Variants in MIPEP observed in about 807,000 individuals in gnomAD.
The protein encoded by MIPEP is mitochondrial intermediate peptidase.
MIPEP carries 79 observed loss-of-function variants against 90.3 expected under a neutral mutation model. The observed-to-expected ratio is 0.87, with a 90% CI of 0.73 to 1.05. The LOEUF is 1.05. Ranked by LOEUF, MIPEP falls within the 50% of genes least tolerant of loss-of-function variation. The pLI, the probability that MIPEP is intolerant of heterozygous loss-of-function variation, is 0.00. For missense variants in MIPEP, 940 were observed against 905.6 expected, an observed-to-expected ratio of 1.04 and a Z score of -0.49; for synonymous variants, 334 against 315.8, an observed-to-expected ratio of 1.06 and a Z score of -0.61.
chr13:23,835,892 T>C (rs1869017147), intron 14 of MIPEP, among the ~76,000 whole-genome samples: 1 of 152,232 alleles, frequency 6.6e-6, no homozygotes, highest in Non-Finnish European at 1.5e-5. Context: ...AAAGGCTTTT[T>C]AGAAGTGAGA....
intron 16 of MIPEP, among the ~76,000 whole-genome samples, chr13:23,784,544 A>T (rs9580754): frequency 0.079 from 11,944 of 152,130 alleles, 1,573 homozygotes; most frequent in African/African-American, 0.27. Flanking sequence ...CCAAGAAGAA[A>T]ACCTAGGCAA....
rs778437046 is a variant in MIPEP at position 23,760,160 on chromosome 13, G to T, written c.1906C>A (p.Leu636Ile). The T allele has an allele frequency of 6.2e-7, 1 of 1,614,140 alleles. No individual in the cohort carries two copies. The change falls in exon 17 of 19, where the codon CTC (leucine) becomes ATC (isoleucine). Residue 636 changes from leucine to isoleucine, a missense_variant. Coordinates refer to ENST00000382172, the MANE Select transcript of MIPEP (RefSeq NM_005932.4). ...VGYGARYYSY[L>I]MSRAVASMVW... Reference sequence around the variant, plus strand: ...ATGGAGGCGACCGCTCTGGACATGAGGTAAGAGTAATATCTAGCACCATAC... The same window carrying T: ...ATGGAGGCGACCGCTCTGGACATGATGTAAGAGTAATATCTAGCACCATAC...
intron 18 of MIPEP, among the ~76,000 whole-genome samples, chr13:23,755,389 G>A (rs1251242061): frequency 6.6e-6 from 1 of 152,230 alleles, no homozygotes; most frequent in Non-Finnish European, 1.5e-5. Context: ...CTGAAGGCAA[G>A]AATCTGGAAT....
At chr13:23,766,631 A>G (rs1188287258) in intron 16 of MIPEP, among the ~76,000 whole-genome samples, 1 of 152,132 alleles carries the variant, frequency 6.6e-6, no homozygotes, top group African/African-American at 2.4e-5. Flanking sequence ...ATCACTGGAG[A>G]CTAGTGCTTC....
intron 3 of MIPEP, among the ~76,000 whole-genome samples, chr13:23,880,728 G>A (rs982221517): frequency 7.9e-5 from 12 of 152,186 alleles, no homozygotes; most frequent in African/African-American, 1.7e-4. Context: ...GGTTTTCAGC[G>A]GCTATGGGAA....
chr13:23,888,860 A>G (rs9553088), intron 1 of MIPEP: 149,020 of 629,072 alleles, frequency 0.24, 18,703 homozygotes, highest in East Asian at 0.42. Context: ...CCACTGCCAG[A>G]ACGAACTATT....
chr13:23,843,195 C>T (rs560015277), intron 10 of MIPEP, among the ~76,000 whole-genome samples: 2 of 151,114 alleles, frequency 1.3e-5, no homozygotes, highest in East Asian at 3.9e-4. Flanking sequence ...TAGGCAGAAG[C>T]GACAGTATAA....
chr13:23,747,193 G>A (rs1236159846), intron 18 of MIPEP, among the ~76,000 whole-genome samples: 1 of 152,184 alleles, frequency 6.6e-6, no homozygotes, highest in Non-Finnish European at 1.5e-5. Flanking sequence ...GTGTTTGGTG[G>A]ATTAAAGATG....
intron 7 of MIPEP, among the ~76,000 whole-genome samples, chr13:23,867,096 C>T: frequency 6.6e-6 from 1 of 152,144 alleles, no homozygotes; most frequent in East Asian, 1.9e-4. Context: ...GCAGTCTTCT[C>T]TCAGGAACAG....
intron 12 of MIPEP, among the ~76,000 whole-genome samples, chr13:23,838,095 A>C (rs1339018824): frequency 6.6e-6 from 1 of 152,182 alleles, no homozygotes; most frequent in Non-Finnish European, 1.5e-5. Flanking sequence ...CTGAGTCCCT[A>C]CTATGTGTCA....
chr13:23,857,183 C>T (rs904395977), intron 10 of MIPEP, among the ~76,000 whole-genome samples: 10 of 151,950 alleles, frequency 6.6e-5, no homozygotes, highest in Admixed American at 6.6e-4. Flanking sequence ...TTTTTTAATG[C>T]AACTATAGGG....
intron 12 of MIPEP, among the ~76,000 whole-genome samples, chr13:23,838,137 C>G (rs1418037346): frequency 2.6e-5 from 4 of 151,944 alleles, no homozygotes; most frequent in African/African-American, 7.3e-5. Context: ...TTCCATGTCT[C>G]TTGGCTATTT....
intron 14 of MIPEP, among the ~76,000 whole-genome samples, chr13:23,820,554 T>A (rs1404188528): frequency 6.6e-6 from 1 of 152,174 alleles, no homozygotes; most frequent in East Asian, 1.9e-4. Context: ...AAATAAAACA[T>A]CGTAAAGAAA....
At chr13:23,860,855 T>C (rs142742760) in intron 9 of MIPEP, among the ~76,000 whole-genome samples, 142,896 of 152,110 alleles carry the variant, frequency 0.94, 67,151 homozygotes, top group East Asian at 1. Flanking sequence ...ATTGGGATCA[T>C]AGCCCAGGCT....
chr13:23,747,501 CAAA>C, intron 18 of MIPEP: 2 of 496,896 alleles, frequency 4.0e-6, no homozygotes, highest in Non-Finnish European at 8.0e-6. Flanking sequence ...TGTACTAGAA[CAAA>C]AAGTGTCTAA....
chr13:23,886,655 CTCCCCA>C, intron 1 of MIPEP, 149 bp from the exon 2 acceptor site: 1 of 468,356 alleles, frequency 2.1e-6, no homozygotes, highest in Non-Finnish European at 3.6e-6. Context: ...CACTATCATA[CTCCCCA>C]TATCACTCCA....
chr13:23,846,239 T>C (rs1869531590), intron 10 of MIPEP, among the ~76,000 whole-genome samples: 1 of 152,200 alleles, frequency 6.6e-6, no homozygotes, highest in African/African-American at 2.4e-5. Flanking sequence ...AGAATAGAGA[T>C]ATGCCCTTTA....
At chr13:23,868,651 G>A (rs1054746115) in intron 7 of MIPEP, among the ~76,000 whole-genome samples, 1 of 151,952 alleles carries the variant, frequency 6.6e-6, no homozygotes, top group African/African-American at 2.4e-5. Context: ...CCATCATCAC[G>A]GCCACCCTAC....
intron 14 of MIPEP, among the ~76,000 whole-genome samples, chr13:23,825,542 C>T (rs1179871156): frequency 6.6e-6 from 1 of 152,148 alleles, no homozygotes; most frequent in East Asian, 1.9e-4. Flanking sequence ...AGATATGGGG[C>T]TTCCATTTTA....
Sources: gnomAD v4.1 joint callset for allele counts (sites outside exome capture counted in the v4.1 genomes callset) on GRCh38, gnomAD v4.1.1 for gene constraint, MANE v1.5 for transcripts, NCBI Gene and HGNC (gene_info 2026-07-23, HGNC 2026-07-21) for gene names.